AGBL4: variants seen among roughly 807,000 people sequenced by gnomAD.
AGBL4 encodes cytosolic carboxypeptidase 6.
A neutral mutation model predicts 66.4 loss-of-function variants in AGBL4; 58 were observed. That is an observed-to-expected ratio of 0.87 (90% CI 0.71 to 1.09). The LOEUF is 1.09. AGBL4 is among the 50% of genes least tolerant of loss of function. The probability of loss-of-function intolerance (pLI) is 0.00; values close to 1 mark genes in which losing one functional copy is unlikely to be tolerated. For missense variants in AGBL4, 579 were observed against 631.0 expected, an observed-to-expected ratio of 0.92 and a Z score of 0.88; for synonymous variants, 234 against 222.9, an observed-to-expected ratio of 1.05 and a Z score of -0.44.
In AGBL4 at chr1:49,881,920, G is replaced by A. The variant is rs534227511; in HGVS notation, c.35-30402C>T. ...GATCCCATTTGTCAATTTTGGCTTT[G>A]GTTGCCATTGCTTTTGGTGTTTTGG... On this transcript the variant is annotated intron_variant, in intron 1 of 13. Coordinates refer to ENST00000371839, the MANE Select transcript of AGBL4 (RefSeq NM_032785.4). Among the ~76,000 whole-genome samples, 45 of 152,096 alleles carry A rather than the reference G, an allele frequency of 3.0e-4. No homozygotes were observed. In the South Asian group the frequency reaches 6.6e-3, roughly 22 times the overall value.
intron 2 of AGBL4, among the ~76,000 whole-genome samples, chr1:49,847,093 C>G (rs1299000517): frequency 1.3e-5 from 2 of 152,160 alleles, no homozygotes; most frequent in East Asian, 1.9e-4. Flanking sequence ...CAATTAACAT[C>G]AATTAAAGAA....
At chr1:49,836,917 C>G (rs1645865984) in intron 2 of AGBL4, among the ~76,000 whole-genome samples, 1 of 152,186 alleles carries the variant, frequency 6.6e-6, no homozygotes, top group Non-Finnish European at 1.5e-5. Flanking sequence ...GGCTGCAGAA[C>G]AGCTAAGATT....
intron 3 of AGBL4, among the ~76,000 whole-genome samples, chr1:49,258,651 C>G (rs953791645): frequency 1.3e-4 from 20 of 152,266 alleles, no homozygotes; most frequent in African/African-American, 4.6e-4. Flanking sequence ...AAATATGGGA[C>G]TATGTGAAAA....
At chr1:49,796,032 T>A (rs1322642705) in intron 2 of AGBL4, among the ~76,000 whole-genome samples, 1 of 151,828 alleles carries the variant, frequency 6.6e-6, no homozygotes, top group Non-Finnish European at 1.5e-5. Context: ...CAATGATAAC[T>A]AAGACTTAAT....
intron 1 of AGBL4, among the ~76,000 whole-genome samples, chr1:50,022,656 A>G (rs1386352279): frequency 8.1e-6 from 1 of 123,120 alleles, no homozygotes; most frequent in Non-Finnish European, 1.7e-5. Context: ...ACACACACAC[A>G]CACACCAGGA....
intron 3 of AGBL4, among the ~76,000 whole-genome samples, chr1:49,249,217 T>C (rs1412589813): frequency 6.6e-6 from 1 of 152,162 alleles, no homozygotes; most frequent in Non-Finnish European, 1.5e-5. Flanking sequence ...GCAGGGACTA[T>C]TCTAATGGGA....
chr1:49,213,014 C>T (rs1034777845), intron 4 of AGBL4, among the ~76,000 whole-genome samples: 1 of 151,970 alleles, frequency 6.6e-6, no homozygotes, highest in Non-Finnish European at 1.5e-5. Flanking sequence ...CTGAATTTAT[C>T]ATCAGTGTTT....
chr1:48,673,904 T>G (rs1008312369), intron 6 of AGBL4, among the ~76,000 whole-genome samples: 1 of 152,206 alleles, frequency 6.6e-6, no homozygotes, highest in South Asian at 2.1e-4. Context: ...CATTGCATGT[T>G]GTCTGAACAA....
intron 9 of AGBL4, among the ~76,000 whole-genome samples, chr1:48,623,456 G>A (rs1645448877): frequency 6.6e-6 from 1 of 152,244 alleles, no homozygotes; most frequent in South Asian, 2.1e-4. Context: ...AAACACTTCA[G>A]TTCTTGCTGG....
At chr1:49,191,930 C>A (rs940165956) in intron 4 of AGBL4, among the ~76,000 whole-genome samples, 1 of 152,160 alleles carries the variant, frequency 6.6e-6, no homozygotes, top group African/African-American at 2.4e-5. Flanking sequence ...CATATGCATG[C>A]ACATATATTT....
At position 48,737,707 on chromosome 1, in the gene AGBL4, C is replaced by T. The variant is rs559676401; in HGVS notation, c.635-74466G>A. ...AGCTATAAGATTTTAATTTGTTCTC[C>T]TTTCTGCATCTTTAGTAAATCTAAA... On this transcript the variant is annotated intron_variant, in intron 6 of 13. Transcript: ENST00000371839. 2.6e-5 allele frequency among the ~76,000 whole-genome samples: 4 copies of T among 152,216 alleles called. No homozygotes were observed. The South Asian group carries it at 8.3e-4, about 32-fold the overall frequency.
intron 5 of AGBL4, among the ~76,000 whole-genome samples, chr1:48,990,510 ATAGTTTGGGG>A (rs1660522898): frequency 6.6e-6 from 1 of 152,142 alleles, no homozygotes; most frequent in South Asian, 2.1e-4. Flanking sequence ...TAGTAGTTTC[ATAGTTTGGGG>A]TCTTAGATAT....
chr1:48,640,742 A>G (rs922101421), intron 8 of AGBL4, among the ~76,000 whole-genome samples: 1 of 152,072 alleles, frequency 6.6e-6, no homozygotes, highest in African/African-American at 2.4e-5. Flanking sequence ...TATAAAAGAG[A>G]CACTAAGCTA....
intron 5 of AGBL4, among the ~76,000 whole-genome samples, chr1:49,017,339 T>C (rs2149016227): frequency 6.6e-6 from 1 of 152,300 alleles, no homozygotes; most frequent in South Asian, 2.1e-4. Context: ...ACTTTTAGAA[T>C]AGTGGTATGA....
At chr1:48,600,169 C>T (rs1408894339) in intron 9 of AGBL4, among the ~76,000 whole-genome samples, 1 of 152,122 alleles carries the variant, frequency 6.6e-6, no homozygotes, top group Non-Finnish European at 1.5e-5. Context: ...CAAGGTATAT[C>T]ATAGGGCCTG....
At chr1:49,724,189 CCAAA>C (rs1316197138) in intron 2 of AGBL4, among the ~76,000 whole-genome samples, 1 of 152,102 alleles carries the variant, frequency 6.6e-6, no homozygotes, top group East Asian at 1.9e-4. Flanking sequence ...ACTCTGGACC[CCAAA>C]CAGTGTAGGG....
At chr1:48,840,891 G>A (rs1646781201) in intron 6 of AGBL4, among the ~76,000 whole-genome samples, 1 of 152,154 alleles carries the variant, frequency 6.6e-6, no homozygotes, top group South Asian at 2.1e-4. Flanking sequence ...AACAAACTGT[G>A]GCACATCTAT....
At chr1:49,104,261 G>A (rs978487141) in intron 4 of AGBL4, among the ~76,000 whole-genome samples, 7 of 152,102 alleles carry the variant, frequency 4.6e-5, no homozygotes, top group Admixed American at 4.6e-4. Flanking sequence ...CCTGTACCTG[G>A]ATTATGGCAT....
chr1:49,705,791 A>T (rs1647200989), intron 2 of AGBL4, among the ~76,000 whole-genome samples: 1 of 151,900 alleles, frequency 6.6e-6, no homozygotes, highest in African/African-American at 2.4e-5. Context: ...TTTTGCATCT[A>T]TTGATATAAT....
Sources: gnomAD v4.1 joint callset for allele counts (sites outside exome capture counted in the v4.1 genomes callset) on GRCh38, gnomAD v4.1.1 for gene constraint, MANE v1.5 for transcripts, NCBI Gene and HGNC (gene_info 2026-07-23, HGNC 2026-07-21) for gene names.